The following LTA4H variants were observed in gnomAD, a reference collection of about 807,000 sequenced individuals.
LTA4H encodes leukotriene A-4 hydrolase.
In LTA4H, 59 loss-of-function variants were observed where a neutral mutation model predicts 89.8. That is an observed-to-expected ratio of 0.66 (90% CI 0.53 to 0.82). The LOEUF (loss-of-function observed/expected upper bound fraction) is 0.82. Among genes scored for constraint, LTA4H ranks in the 40% least tolerant of loss-of-function variants. LTA4H has a pLI of 0.00. For missense variants in LTA4H, 617 were observed against 727.0 expected, an observed-to-expected ratio of 0.85 and a Z score of 1.74; for synonymous variants, 227 against 253.1, an observed-to-expected ratio of 0.90 and a Z score of 0.98.
In LTA4H at chr12:96,009,081, C is replaced by T; in HGVS notation, c.1434+13G>A. On this transcript the variant is annotated intron_variant, in intron 15 of 18. Coordinates refer to ENST00000228740, the MANE Select transcript of LTA4H (RefSeq NM_000895.3). Reference sequence around the variant, plus strand: ...ATTCAAAAAGGAATCAAAAATCACACATTATTACTTACAGTAATCCATCTT... The same window carrying T: ...ATTCAAAAAGGAATCAAAAATCACATATTATTACTTACAGTAATCCATCTT... 1 of 1,581,946 alleles carries T rather than the reference C, an allele frequency of 6.3e-7. No individual in the cohort carries two copies. Among genetic ancestry groups the T allele is most frequent in the Admixed American group, 1.7e-5 (1 of 59,806 alleles).
At chr12:96,015,923 C>A (rs922067229) in intron 10 of LTA4H, among the ~76,000 whole-genome samples, 1 of 152,174 alleles carries the variant, frequency 6.6e-6, no homozygotes, top group Admixed American at 6.5e-5. Flanking sequence ...TTGCATGTCC[C>A]TATGTTAAAA....
chr12:96,030,021 C>T (rs1950555798), intron 1 of LTA4H, among the ~76,000 whole-genome samples: 1 of 152,120 alleles, frequency 6.6e-6, no homozygotes, highest in Admixed American at 6.5e-5. Flanking sequence ...ATCATCCTCC[C>T]TTTCCCCTTC....
chr12:96,008,548 T>C (rs576501461), intron 15 of LTA4H, among the ~76,000 whole-genome samples: 203 of 130,446 alleles, frequency 1.6e-3, no homozygotes, highest in African/African-American at 5.7e-3. Flanking sequence ...TTTTGCATAC[T>C]TTTTTTTTTT....
chr12:96,030,300 C>T (rs184694060), intron 1 of LTA4H, among the ~76,000 whole-genome samples: 3 of 152,168 alleles, frequency 2.0e-5, no homozygotes, highest in African/African-American at 7.2e-5. Context: ...ATTTTCTTGC[C>T]ATATCCTTCA....
At chr12:96,021,166 G>A (rs375534176) in intron 5 of LTA4H, 29 bp from the exon 6 acceptor site, 10 of 1,547,744 alleles carry the variant, frequency 6.5e-6, no homozygotes, top group South Asian at 2.4e-5. Context: ...CGCACACCAC[G>A]TGCTTGCATT....
In LTA4H at chr12:96,022,785, T is replaced by C. The variant is rs1950469084; in HGVS notation, c.481-534A>G. ...AATATAAGTGAAGAGCCCAGCACCA[T>C]CCCTGGCAATGGCAGCCACCATCCC... On this transcript the variant is annotated intron_variant, in intron 4 of 18. Transcript: ENST00000228740. The surrounding 1 kb of genome is among the most constrained non-coding windows in gnomAD (Gnocchi z 4.0). Among the ~76,000 whole-genome samples, 1 of 152,166 alleles carries C rather than the reference T, an allele frequency of 6.6e-6. No individual in the cohort carries two copies. Among genetic ancestry groups the C allele is most frequent in the African/African-American group, 2.4e-5 (1 of 41,500 alleles).
intron 8 of LTA4H, among the ~76,000 whole-genome samples, chr12:96,018,557 C>CA (rs74742546): frequency 1.3e-3 from 188 of 145,812 alleles, no homozygotes; most frequent in Middle Eastern, 0.01. Flanking sequence ...CAAAAAACAA[C>CA]AAAAAAAAAA....
rs1440889988 is a variant in LTA4H at position 96,022,195 on chromosome 12, T to C, written c.537A>G (p.Thr179=). 1 of 1,613,958 alleles carries C rather than the reference T, an allele frequency of 6.2e-7. No homozygotes were observed. Among genetic ancestry groups the C allele is most frequent in the African/African-American group, 1.3e-5 (1 of 74,928 alleles). ...TCCTGCTTGGGTCTTCTGGGTCAGGTGTTTCTCCATCACGAATAGCACTCA... is the reference window on the plus strand; with the variant it reads ...TCCTGCTTGGGTCTTCTGGGTCAGGCGTTTCTCCATCACGAATAGCACTCA... ...ALMSAIRDGE[T]PDPEDPSRKI... is the part of the protein sequence containing the mutation. Residue 179 remains threonine (T), a synonymous_variant, in exon 5 of 19, where the codon ACA becomes ACG. Coordinates refer to ENST00000228740, the MANE Select transcript of LTA4H (RefSeq NM_000895.3). The surrounding 1 kb of genome is among the most constrained non-coding windows in gnomAD (Gnocchi z 4.0).
intron 6 of LTA4H, among the ~76,000 whole-genome samples, chr12:96,019,906 T>G (rs961843936): frequency 9.3e-5 from 14 of 150,010 alleles, no homozygotes; most frequent in South Asian, 2.1e-4. Flanking sequence ...AGCGTTTTTT[T>G]TTTTTTTTTT....
At chr12:96,001,172 G>A in intron 18 of LTA4H, 66 bp from the exon 19 acceptor site, 1 of 982,206 alleles carries the variant, frequency 1.0e-6, no homozygotes, top group Non-Finnish European at 1.6e-6. Flanking sequence ...AGAAAGGGAG[G>A]GAGAGAAGAA....
At chr12:96,025,827 CAAA>C (rs63528861) in intron 3 of LTA4H, among the ~76,000 whole-genome samples, 16 of 116,048 alleles carry the variant, frequency 1.4e-4, no homozygotes, top group Non-Finnish European at 9.1e-5. Flanking sequence ...ACCCTGTCTC[CAAA>C]AAAAAAAAAA....
intron 18 of LTA4H, among the ~76,000 whole-genome samples, chr12:96,002,616 C>T (rs576242512): frequency 6.6e-6 from 1 of 152,304 alleles, no homozygotes; most frequent in Admixed American, 6.5e-5. Flanking sequence ...TTTCTCCTTA[C>T]ATTTAACTTC....
At chr12:96,009,391 A>C (rs1950259576) in intron 14 of LTA4H, 2 of 493,746 alleles carry the variant, frequency 4.1e-6, no homozygotes, top group Admixed American at 7.5e-5. Context: ...AGAATGCCAA[A>C]GCACCTCAGC....
At chr12:96,007,480 C>A (rs754373788) in intron 15 of LTA4H, among the ~76,000 whole-genome samples, 25 of 152,262 alleles carry the variant, frequency 1.6e-4, no homozygotes, top group Non-Finnish European at 3.1e-4. Flanking sequence ...TACAGAGGTA[C>A]CGCTAAGATT....
At chr12:96,008,779 C>A (rs111973125) in intron 15 of LTA4H, among the ~76,000 whole-genome samples, 567 of 152,104 alleles carry the variant, frequency 3.7e-3, no homozygotes, top group African/African-American at 0.013. Flanking sequence ...ATTAGCCAGG[C>A]ATGGAGGCAC....
At chr12:96,003,380 A>G (rs573870463) in intron 17 of LTA4H, among the ~76,000 whole-genome samples, 2 of 152,342 alleles carry the variant, frequency 1.3e-5, no homozygotes, top group African/African-American at 4.8e-5. Context: ...GCCTCACATT[A>G]CAAATTTGAA....
chr12:96,041,932 C>T (rs1008697494), intron 1 of LTA4H, among the ~76,000 whole-genome samples: 3 of 151,696 alleles, frequency 2.0e-5, no homozygotes, highest in East Asian at 1.9e-4. Flanking sequence ...TGAGCCACCG[C>T]GCCTGGCCAT....
upstream of LTA4H, among the ~76,000 whole-genome samples, chr12:96,040,047 A>G (rs570532931): frequency 3.9e-5 from 6 of 152,224 alleles, no homozygotes; most frequent in Non-Finnish European, 8.8e-5. Flanking sequence ...CCCTTTGGAG[A>G]AAGTCAAGAA....
intron 1 of LTA4H, among the ~76,000 whole-genome samples, chr12:96,030,840 G>A (rs1206938342): frequency 4.6e-5 from 7 of 152,006 alleles, no homozygotes; most frequent in Non-Finnish European, 2.9e-5. Flanking sequence ...TAGAAGATAC[G>A]GTTTATATCT....
Sources: gnomAD v4.1 joint callset for allele counts (sites outside exome capture counted in the v4.1 genomes callset) on GRCh38, gnomAD v4.1.1 for gene constraint, Gnocchi (gnomAD v3.1) non-coding constraint, MANE v1.5 for transcripts, NCBI Gene and HGNC (gene_info 2026-07-23, HGNC 2026-07-21) for gene names.